SCGN: variants seen among roughly 807,000 people sequenced by gnomAD.
SCGN encodes the protein secretagogin, EF-hand calcium binding protein.
A neutral mutation model predicts 39.7 loss-of-function variants in SCGN; 30 were observed. That is an observed-to-expected ratio of 0.76 (90% CI 0.57 to 1.03). The LOEUF is 1.03. Ranked by LOEUF, SCGN falls within the 50% of genes least tolerant of loss-of-function variation. The pLI is 0.00. For missense variants in SCGN, 353 were observed against 349.4 expected, an observed-to-expected ratio of 1.01 and a Z score of -0.08; for synonymous variants, 106 against 114.1, an observed-to-expected ratio of 0.93 and a Z score of 0.45.
At position 25,652,232 on chromosome 6, in the gene SCGN, G is replaced by A; in HGVS notation, c.-172G>A. On this transcript the variant is annotated 5_prime_UTR_variant, in exon 1 of 11. Coordinates refer to ENST00000377961, the MANE Select transcript of SCGN (RefSeq NM_006998.4). The stretch of plus-strand genomic sequence containing the variant: ...CTGGTTTTGCTGAGGGCTGAGGGAC[G>A]GCTCAGCGACGCCACGGCCAGCAGC... 1 of 596,566 alleles carries A rather than the reference G, an allele frequency of 1.7e-6. No individual in the cohort carries two copies. The highest frequency in any genetic ancestry group is 3.0e-6 in the Non-Finnish European group (1 of 336,896). 37.0% of individuals were successfully genotyped at this position (596,566 alleles called of 1,614,324 possible).
chr6:25,690,958 C>A, intron 9 of SCGN, 98 bp from the exon 10 acceptor site: 1 of 835,892 alleles, frequency 1.2e-6, no homozygotes, highest in Non-Finnish European at 2.0e-6. Flanking sequence ...TATTTGCGGC[C>A]ACACAAGAAT....
intron 7 of SCGN, 115 bp from the exon 8 acceptor site, chr6:25,689,057 T>A: frequency 1.6e-6 from 1 of 643,864 alleles, no homozygotes. Context: ...GTCTTTCAAG[T>A]ACCTATTCTG....
intron 3 of SCGN, among the ~76,000 whole-genome samples, chr6:25,663,057 G>A (rs1394031130): frequency 5.3e-5 from 8 of 152,188 alleles, no homozygotes; most frequent in Non-Finnish European, 7.3e-5. Context: ...AATCCTGCAC[G>A]TGAGTGTCAT....
At chr6:25,685,884 A>G (rs1457172666) in intron 7 of SCGN, among the ~76,000 whole-genome samples, 1 of 152,166 alleles carries the variant, frequency 6.6e-6, no homozygotes, top group Non-Finnish European at 1.5e-5. Flanking sequence ...CCCAGTACAC[A>G]TCAGCAGTCA....
At chr6:25,684,027 C>T (rs1759670684) in intron 7 of SCGN, among the ~76,000 whole-genome samples, 1 of 152,186 alleles carries the variant, frequency 6.6e-6, no homozygotes. Flanking sequence ...AATTTCCATG[C>T]AATGCCAGAA....
intron 10 of SCGN, among the ~76,000 whole-genome samples, chr6:25,692,584 C>T (rs1282107379): frequency 6.6e-6 from 1 of 152,208 alleles, no homozygotes; most frequent in African/African-American, 2.4e-5. Flanking sequence ...TTCTTCTTTG[C>T]TCCCCCTTTT....
intron 2 of SCGN, 87 bp downstream of exon 2, chr6:25,653,539 C>T (rs1760172678): frequency 6.5e-6 from 6 of 919,848 alleles, no homozygotes; most frequent in South Asian, 6.1e-5. Flanking sequence ...CCTATTAATT[C>T]CAACTCACCT....
At chr6:25,690,972 G>A (rs1428217175) in intron 9 of SCGN, 84 bp from the exon 10 acceptor site, 2 of 1,020,420 alleles carry the variant, frequency 2.0e-6, no homozygotes, top group East Asian at 2.4e-5. Context: ...CAAGAATACT[G>A]ATACGGTTTA....
intron 6 of SCGN, among the ~76,000 whole-genome samples, chr6:25,670,789 A>T (rs940254585): frequency 6.6e-6 from 1 of 152,180 alleles, no homozygotes; most frequent in Non-Finnish European, 1.5e-5. Context: ...TAAAGTAGGG[A>T]GCTGCCTTTG....
chr6:25,661,526 A>G, intron 2 of SCGN, 26 bp from the exon 3 acceptor site: 1 of 1,545,694 alleles, frequency 6.5e-7, no homozygotes, highest in Non-Finnish European at 8.9e-7. Context: ...AGTGGCTTTA[A>G]TGTGGCTCTG....
intron 7 of SCGN, among the ~76,000 whole-genome samples, chr6:25,685,046 A>G (rs1272197112): frequency 6.6e-6 from 1 of 152,130 alleles, no homozygotes; most frequent in Admixed American, 6.5e-5. Flanking sequence ...TGAAAATGCT[A>G]GTTGCTGGCT....
intron 7 of SCGN, among the ~76,000 whole-genome samples, chr6:25,688,573 C>T (rs1006105061): frequency 2.6e-5 from 4 of 151,966 alleles, no homozygotes; most frequent in Non-Finnish European, 2.9e-5. Context: ...AGGCCGAGCC[C>T]GGCGGATCAC....
intron 2 of SCGN, among the ~76,000 whole-genome samples, chr6:25,659,779 ATGT>A (rs1270368531): frequency 6.6e-6 from 1 of 152,022 alleles, no homozygotes; most frequent in East Asian, 1.9e-4. Flanking sequence ...TGAGAGCAAC[ATGT>A]TGTGCCAGGC....
At chr6:25,654,816 C>T (rs1437232278) in intron 2 of SCGN, among the ~76,000 whole-genome samples, 1 of 152,160 alleles carries the variant, frequency 6.6e-6, no homozygotes, top group East Asian at 1.9e-4. Flanking sequence ...CACTCCACCC[C>T]TTACCCTGTG....
At chr6:25,661,525 A>C (rs1185790632) in intron 2 of SCGN, 27 bp from the exon 3 acceptor site, 1 of 1,522,084 alleles carries the variant, frequency 6.6e-7, no homozygotes, top group Admixed American at 1.7e-5. Flanking sequence ...CAGTGGCTTT[A>C]ATGTGGCTCT....
At chr6:25,653,541 A>T in intron 2 of SCGN, 89 bp downstream of exon 2, 6 of 910,320 alleles carry the variant, frequency 6.6e-6, no homozygotes, top group Non-Finnish European at 1.1e-5. Flanking sequence ...TATTAATTCC[A>T]ACTCACCTCC....
chr6:25,653,817 A>G (rs768282188), intron 2 of SCGN, among the ~76,000 whole-genome samples: 32 of 152,360 alleles, frequency 2.1e-4, no homozygotes, highest in Admixed American at 5.2e-4. Flanking sequence ...TGTTAAGCAC[A>G]TTAAGATTTT....
chr6:25,652,865 G>A (rs903539491), intron 1 of SCGN, among the ~76,000 whole-genome samples: 3 of 152,068 alleles, frequency 2.0e-5, no homozygotes, highest in Non-Finnish European at 4.4e-5. Flanking sequence ...CTTTTACGCA[G>A]TGACTTTGCT....
At position 25,652,261 on chromosome 6, in the gene SCGN, C is replaced by G. The variant is rs1335404629; in HGVS notation, c.-143C>G. The G allele has an allele frequency of 1.5e-6, 1 of 681,726 alleles. No homozygotes were observed. 42.2% of individuals were successfully genotyped at this position (681,726 alleles called of 1,614,324 possible). A position where few individuals can be genotyped will look rare whatever the true frequency, so the allele number is the denominator to read the frequency against. ...CAGCGACGCCACGGCCAGCAGCGCT[C>G]GCGTCCTCCCCAGCAACAGTTACTC... On this transcript the variant is annotated 5_prime_UTR_variant, in exon 1 of 11. Transcript: ENST00000377961.
Sources: allele counts gnomAD v4.1 joint callset (sites outside exome capture counted in the v4.1 genomes callset), GRCh38; gene constraint gnomAD v4.1.1; transcripts MANE v1.5; gene names NCBI Gene and HGNC (gene_info 2026-07-23, HGNC 2026-07-21).